Variants in CACNA1E observed in about 807,000 individuals in gnomAD.
CACNA1E encodes the protein voltage-dependent R-type calcium channel subunit alpha-1E.
In CACNA1E, 40 loss-of-function variants were observed where a neutral mutation model predicts 259.2. The ratio of observed to expected loss-of-function variants is 0.15; its 90% CI spans 0.12 to 0.20. CACNA1E has a LOEUF of 0.20. Ranked by LOEUF, CACNA1E falls within the 10% of genes least tolerant of loss-of-function variation. CACNA1E has a pLI of 1.00. For synonymous variants in CACNA1E, 1,104 were observed against 1,138.5 expected, an observed-to-expected ratio of 0.97 and a Z score of 0.61; for missense variants, 1,874 against 3,040.1, an observed-to-expected ratio of 0.62 and a Z score of 9.02.
intron 2 of CACNA1E, among the ~76,000 whole-genome samples, chr1:181,430,225 C>G (rs1209573666): frequency 1.3e-5 from 2 of 152,172 alleles, no homozygotes; most frequent in African/African-American, 4.8e-5. Context: ...AAGGCATCAC[C>G]CGGAGTTCTT....
chr1:181,604,306 C>T (rs1572353580), intron 6 of CACNA1E, among the ~76,000 whole-genome samples: 1 of 152,156 alleles, frequency 6.6e-6, no homozygotes, highest in South Asian at 2.1e-4. Context: ...TAACCAGGAC[C>T]CCCAGACCCC....
intron 37 of CACNA1E, among the ~76,000 whole-genome samples, chr1:181,775,869 C>T (rs1188443372): frequency 6.6e-6 from 1 of 152,130 alleles, no homozygotes; most frequent in East Asian, 1.9e-4. Context: ...GACCAGTTCA[C>T]CGATCCTGGT....
chr1:181,725,855 A>G (rs931901396), intron 17 of CACNA1E, among the ~76,000 whole-genome samples: 2 of 152,166 alleles, frequency 1.3e-5, no homozygotes, highest in Non-Finnish European at 2.9e-5. Context: ...TGGCCACGCT[A>G]TAGCTGTGAG....
chr1:181,478,339 G>A (rs971461132), intron 2 of CACNA1E, among the ~76,000 whole-genome samples: 11 of 152,158 alleles, frequency 7.2e-5, no homozygotes, highest in Non-Finnish European at 1.3e-4. Flanking sequence ...TTCTAGGGAC[G>A]GACATTACAT....
intron 6 of CACNA1E, among the ~76,000 whole-genome samples, chr1:181,603,510 T>C (rs1034568853): frequency 2.6e-5 from 4 of 152,154 alleles, no homozygotes; most frequent in South Asian, 2.1e-4. Context: ...GGCATGCATG[T>C]GTGAACACTG....
At chr1:181,579,305 A>G (rs1651286489) in intron 5 of CACNA1E, 81 bp downstream of exon 5, 3 of 1,187,064 alleles carry the variant, frequency 2.5e-6, no homozygotes, top group Admixed American at 2.2e-5. Context: ...TTGGAGGCTC[A>G]TTGGAAAAGT....
rs1654862216 is a variant in CACNA1E, at chr1:181,373,583, G to C, written c.-14-39550G>C. Among the ~76,000 whole-genome samples, 3 of 147,416 alleles carry C rather than the reference G, an allele frequency of 2.0e-5. No homozygotes were observed. The South Asian group carries it at 6.4e-4, about 31-fold the overall frequency. On this transcript the variant is annotated intron_variant, in intron 1 of 11. Transcript: ENST00000524607. Reference sequence around the variant, plus strand: ...GACGGAGACTCGCTCTGTCGCCCAGGCTGGAGTGCAGTGGCGCAATCTCGG... The same window carrying C: ...GACGGAGACTCGCTCTGTCGCCCAGCCTGGAGTGCAGTGGCGCAATCTCGG...
intron 7 of CACNA1E, among the ~76,000 whole-genome samples, chr1:181,660,881 C>T (rs573057573): frequency 6.6e-6 from 1 of 152,292 alleles, no homozygotes; most frequent in South Asian, 2.1e-4. Flanking sequence ...CTGACTCACG[C>T]AAGAGTTACT....
intron 1 of CACNA1E, among the ~76,000 whole-genome samples, chr1:181,329,050 C>T (rs1280278001): frequency 6.6e-6 from 1 of 151,862 alleles, no homozygotes; most frequent in Non-Finnish European, 1.5e-5. Context: ...TTAATCTCTG[C>T]CTCCAAATCT....
intron 2 of CACNA1E, among the ~76,000 whole-genome samples, chr1:181,425,468 G>C (rs949912062): frequency 2.0e-5 from 3 of 151,390 alleles, no homozygotes; most frequent in Non-Finnish European, 4.4e-5. Context: ...AACATAATTG[G>C]AGGAATTCGC....
intron 2 of CACNA1E, among the ~76,000 whole-genome samples, chr1:181,510,892 A>G (rs1297820765): frequency 6.6e-6 from 1 of 152,202 alleles, no homozygotes; most frequent in African/African-American, 2.4e-5. Flanking sequence ...GGAGAGGATG[A>G]AGGATGCTCA....
Position 181,404,155 on chromosome 1 carries a change from G to A in CACNA1E, c.-14-8978G>A, listed in dbSNP as rs1251791232. On this transcript the variant is annotated intron_variant, in intron 1 of 11. Coordinates refer to the CACNA1E transcript ENST00000524607. ...TCTAATTAGAACCTGCTATGGAGCT[G>A]GAGCCCATCCCCCAAACTGTACGGA... Among the ~76,000 whole-genome samples, 3 of 152,350 alleles carry A rather than the reference G, an allele frequency of 2.0e-5. No individual in the cohort carries two copies. In the East Asian group the frequency reaches 5.8e-4, roughly 29 times the overall value.
chr1:181,353,092 G>A (rs1001265811), intron 1 of CACNA1E, among the ~76,000 whole-genome samples: 20 of 152,140 alleles, frequency 1.3e-4, no homozygotes, highest in African/African-American at 3.9e-4. Flanking sequence ...AACACAGATC[G>A]TTGCCCACAC....
intron 7 of CACNA1E, among the ~76,000 whole-genome samples, chr1:181,705,545 C>T (rs1461230815): frequency 6.6e-6 from 1 of 152,340 alleles, no homozygotes; most frequent in East Asian, 1.9e-4. Flanking sequence ...AGAGTAGAGG[C>T]TCATCCATGC....
At chr1:181,544,733 G>C (rs1011431463) in intron 3 of CACNA1E, among the ~76,000 whole-genome samples, 8 of 152,174 alleles carry the variant, frequency 5.3e-5, no homozygotes, top group Non-Finnish European at 7.3e-5. Context: ...CTGTGGACAT[G>C]GTGGGGAAGC....
At chr1:181,646,889 C>T (rs73059762) in intron 6 of CACNA1E, among the ~76,000 whole-genome samples, 7,908 of 152,342 alleles carry the variant, frequency 0.052, 255 homozygotes, top group African/African-American at 0.088. Context: ...CACATTCCCA[C>T]AATGTCAGGA....
Position 181,370,612 on chromosome 1 carries a change from G to A in CACNA1E, c.-14-42521G>A, listed in dbSNP as rs144188633. Among the ~76,000 whole-genome samples, 153 of 152,076 alleles carry A rather than the reference G, an allele frequency of 1.0e-3. 2 individuals carry two copies. Among genetic ancestry groups the A allele is most frequent in the African/African-American group, 3.6e-3 (151 of 41,508 alleles). On this transcript the variant is annotated intron_variant, in intron 1 of 11. Transcript: ENST00000524607. The stretch of plus-strand genomic sequence containing the variant: ...ATGTTGCTGAAAAGGACATGATTTC[G>A]TGTTTTTTTATGGCTGTGTAGTATT...
chr1:181,571,173 C>A (rs1342932828), intron 3 of CACNA1E, among the ~76,000 whole-genome samples: 1 of 151,972 alleles, frequency 6.6e-6, no homozygotes, highest in Non-Finnish European at 1.5e-5. Flanking sequence ...CTCCTTTTTC[C>A]AGGTAAGAAA....
At chr1:181,521,815 A>T (rs1667013974) in intron 3 of CACNA1E, among the ~76,000 whole-genome samples, 1 of 152,168 alleles carries the variant, frequency 6.6e-6, no homozygotes, top group East Asian at 1.9e-4. Flanking sequence ...GGAAGGGGAC[A>T]GGATGAGGAG....
Sources: allele counts gnomAD v4.1 joint callset (sites outside exome capture counted in the v4.1 genomes callset), GRCh38; gene constraint gnomAD v4.1.1; transcripts MANE v1.5; gene names NCBI Gene and HGNC (gene_info 2026-07-23, HGNC 2026-07-21).